E2F4: variants seen among roughly 807,000 people sequenced by gnomAD.
E2F4 encodes E2F transcription factor 4, also known as transcription factor E2F4.
In E2F4, 16 loss-of-function variants were observed where a neutral mutation model predicts 44.5. The observed-to-expected ratio is 0.36, with a 90% CI of 0.24 to 0.55. E2F4 has a LOEUF of 0.55. Among genes scored for constraint, E2F4 ranks in the 20% least tolerant of loss-of-function variants. The pLI is 0.87. For synonymous variants in E2F4, 242 were observed against 207.2 expected (o/e 1.17, Z -1.44); for missense variants, 473 against 522.1 (o/e 0.91, Z 0.92).
chr16:67,194,793 G>T lies in E2F4; in HGVS notation c.621G>T (p.Val207=). ...KEAWSSPPVA[V]PVPPPEDLLQ... The stretch of plus-strand genomic sequence containing the variant: ...CATGGAGCTCACCCCCTGTGGCTGT[G>T]CCTGTGCCACCACCTGAAGATTTGC... The change falls in exon 6 of 10, where the codon GTG becomes GTT. Residue 207 remains valine (V), a synonymous_variant. Coordinates refer to ENST00000379378, the MANE Select transcript of E2F4 (RefSeq NM_001950.4). 1.9e-6 allele frequency: 3 copies of T among 1,614,206 alleles called. No homozygotes were observed. Among genetic ancestry groups the T allele is most frequent in the Non-Finnish European group, 2.5e-6 (3 of 1,180,022 alleles).
At position 67,192,972 on chromosome 16, in the gene E2F4, C is replaced by G. The variant is rs374700548; in HGVS notation, c.246-37C>G. The G allele has an allele frequency of 1.5e-4, 230 of 1,560,450 alleles. 1 individual carries two copies. The highest frequency in any genetic ancestry group is 4.1e-5 in the Non-Finnish European group (47 of 1,151,002). On this transcript the variant is annotated intron_variant, in intron 2 of 9. Coordinates refer to ENST00000379378, the MANE Select transcript of E2F4 (RefSeq NM_001950.4). ...GGCAGGGGCCATGGGACCCAGAGTTCTCAGCAGTCCCTCTCAGCCCCACTC... is the reference window on the plus strand; with the variant it reads ...GGCAGGGGCCATGGGACCCAGAGTTGTCAGCAGTCCCTCTCAGCCCCACTC...
At chr16:67,196,088 A>T in intron 7 of E2F4, 82 bp downstream of exon 7, 1 of 1,583,432 alleles carries the variant, frequency 6.3e-7, no homozygotes, top group East Asian at 2.2e-5. Context: ...TTGGGGATGG[A>T]ACCCAGATCT....
At chr16:67,195,041 C>A in intron 6 of E2F4, 61 bp downstream of exon 6, 1 of 1,559,080 alleles carries the variant, frequency 6.4e-7, no homozygotes, top group South Asian at 1.2e-5. Flanking sequence ...TGTTGTGGAA[C>A]ACCATGCTCA....
In E2F4 at chr16:67,194,895, T is replaced by C; in HGVS notation, c.723T>C (p.Arg241=). Residue 241 remains arginine (R), a synonymous_variant, in exon 6 of 10, where the codon CGT becomes CGC. Transcript: ENST00000379378. Reference sequence around the variant, plus strand: ...TAGCCCAGTCCCAGGAAGCCTCACGTCCAAATAGTCCTCAGCTCACTCCCA... The same window carrying C: ...TAGCCCAGTCCCAGGAAGCCTCACGCCCAAATAGTCCTCAGCTCACTCCCA... ...PALAQSQEAS[R]PNSPQLTPTA... The C allele has an allele frequency of 3.1e-6, 5 of 1,614,102 alleles. No individual in the cohort carries two copies. Among genetic ancestry groups the C allele is most frequent in the Non-Finnish European group, 4.2e-6 (5 of 1,180,022 alleles).
chr16:67,197,612 C>T lies in E2F4; in HGVS notation c.1047C>T (p.Pro349=), dbSNP rs542030769. 1.2e-6 allele frequency: 2 copies of T among 1,614,178 alleles called. No homozygotes were observed. The highest frequency in any genetic ancestry group is 2.2e-5 in the East Asian group (1 of 44,878). The change falls in exon 8 of 10, where the codon CCC becomes CCT. Residue 349 remains proline, a synonymous_variant. Coordinates refer to ENST00000379378, the MANE Select transcript of E2F4 (RefSeq NM_001950.4). ...KADPTGVLEL[P]KELSEIFDPT... is the part of the protein sequence containing the mutation. ...CTTGTTTTTCAGTTTTGGAACTCCCCAAAGAGCTGTCAGAAATCTTTGATC... is the reference window on the plus strand; with the variant it reads ...CTTGTTTTTCAGTTTTGGAACTCCCTAAAGAGCTGTCAGAAATCTTTGATC...
intron 6 of E2F4, 73 bp from the exon 7 acceptor site, chr16:67,195,708 TG>T: frequency 6.3e-7 from 1 of 1,596,366 alleles, no homozygotes; most frequent in Non-Finnish European, 8.6e-7. Context: ...CTCCTGTGTC[TG>T]GGTTCCAGCA....
chr16:67,197,960 C>T (rs759531736), intron 9 of E2F4, 48 bp from the exon 10 acceptor site: 5 of 1,614,068 alleles, frequency 3.1e-6, no homozygotes. Flanking sequence ...GGTTGGGCTG[C>T]TGCTAGGGGA....
chr16:67,195,100 C>T (rs1053914999), intron 6 of E2F4, 120 bp downstream of exon 6: 8 of 1,259,968 alleles, frequency 6.3e-6, no homozygotes, highest in Non-Finnish European at 8.6e-6. Flanking sequence ...TCCTGACCAC[C>T]TAGCCTTCCC....
In E2F4 at chr16:67,192,354, C is replaced by T; in HGVS notation, c.127C>T (p.Leu43Phe). Residue 43 changes from leucine to phenylalanine, a missense_variant, in exon 1 of 10, where the codon CTC becomes TTC. Around this residue, in one of 3 missense-constraint regions of E2F4, gnomAD observed 119 missense variants for 175.6 expected, o/e 0.68. Transcript: ENST00000379378. ...GGAGGCCAAGGACGGCGTGCTTGACCTCAAGCTGGTGCGGCCTGGGCTAAG... is the reference window on the plus strand; with the variant it reads ...GGAGGCCAAGGACGGCGTGCTTGACTTCAAGCTGGTGCGGCCTGGGCTAAG... Reference protein sequence around the residue: ...LQEAKDGVLDLKLAADTLAVR... With the variant: ...LQEAKDGVLDFKLAADTLAVR... The T allele has an allele frequency of 2.1e-6, 3 of 1,417,140 alleles. No individual in the cohort carries two copies. Among genetic ancestry groups the T allele is most frequent in the Non-Finnish European group, 2.8e-6 (3 of 1,083,534 alleles). The allele number at this position is 1,417,140 out of a possible 1,614,324, so 87.8% of individuals were successfully genotyped here.
chr16:67,196,255 C>G (rs566904805), intron 7 of E2F4, among the ~76,000 whole-genome samples: 1 of 152,304 alleles, frequency 6.6e-6, no homozygotes, highest in South Asian at 2.1e-4. Flanking sequence ...CTAATTGACA[C>G]TTCTCTGTAT....
Position 67,195,915 on chromosome 16 carries a change from C to T in E2F4, c.942C>T (p.Ser314=), listed in dbSNP as rs2032960556. 1.2e-6 allele frequency: 2 copies of T among 1,613,062 alleles called. No individual in the cohort carries two copies. The highest frequency in any genetic ancestry group is 1.7e-6 in the Non-Finnish European group (2 of 1,179,274). The change falls in exon 7 of 10, where the codon AGC becomes AGT. Residue 314 remains serine (S), a synonymous_variant. Transcript: ENST00000379378. ...LLDSSSSSSS[S]SSSSSNSNSS... Reference sequence around the variant, plus strand: ...ACAGCAGCAGCAGCAGCAGCAGCAGCAGCAGCAGCAGCAGCAACAGTAACA... The same window carrying T: ...ACAGCAGCAGCAGCAGCAGCAGCAGTAGCAGCAGCAGCAGCAACAGTAACA...
Position 67,192,900 on chromosome 16 carries a change from G to A in E2F4, c.245+30G>A, listed in dbSNP as rs147383610. Reference sequence around the variant, plus strand: ...GTGGGCATAGTGGGAGGGTAGTAGAGTCTCCCACCCAGAAGTGTCGGGCGT... The same window carrying A: ...GTGGGCATAGTGGGAGGGTAGTAGAATCTCCCACCCAGAAGTGTCGGGCGT... On this transcript the variant is annotated intron_variant, in intron 2 of 9. Coordinates refer to ENST00000379378, the MANE Select transcript of E2F4 (RefSeq NM_001950.4). 187 of 1,588,812 alleles carry A rather than the reference G, an allele frequency of 1.2e-4. No homozygotes were observed. In the African/African-American group the frequency reaches 2.0e-3, roughly 17 times the overall value.
chr16:67,193,840 G>T, intron 4 of E2F4: 1 of 411,978 alleles, frequency 2.4e-6, no homozygotes, highest in Non-Finnish European at 4.4e-6. Flanking sequence ...TTGTGTGCAG[G>T]CTCTTACATG....
chr16:67,194,387 T>C lies in E2F4; in HGVS notation c.452-11T>C. The C allele has an allele frequency of 6.2e-7, 1 of 1,613,908 alleles. No homozygotes were observed. The highest frequency in any genetic ancestry group is 8.5e-7 in the Non-Finnish European group (1 of 1,179,878). On this transcript the variant is annotated splice_polypyrimidine_tract_variant and intron_variant, in intron 4 of 9. Transcript: ENST00000379378. Reference sequence around the variant, plus strand: ...CCCATGGGCTCTGACCCATTCTCCATGTCATTCTAGGAGATACCCTCTTGG... The same window carrying C: ...CCCATGGGCTCTGACCCATTCTCCACGTCATTCTAGGAGATACCCTCTTGG...
chr16:67,197,722 CT>C, intron 8 of E2F4, 76 bp downstream of exon 8: 2 of 1,601,030 alleles, frequency 1.2e-6, no homozygotes, highest in Non-Finnish European at 1.7e-6. Flanking sequence ...TTTTCTTGCC[CT>C]TTTGAGGACC....
Position 67,192,202 on chromosome 16 carries a change from C to G in E2F4, c.-26C>G. The G allele has an allele frequency of 1.7e-6, 2 of 1,177,134 alleles. No homozygotes were observed. The highest frequency in any genetic ancestry group is 7.4e-5 in the South Asian group (2 of 27,008). The allele number at this position is 1,177,134 out of a possible 1,614,324, so 72.9% of individuals were successfully genotyped here. ...GCGGCGCCGGCCTGGCCTGGCCTGG[C>G]TGAGGGGAGGCGGCGGGCGGGCGCG... On this transcript the variant is annotated 5_prime_UTR_variant, in exon 1 of 10. Transcript: ENST00000379378.
At chr16:67,196,856 T>C (rs1192857078) in intron 7 of E2F4, among the ~76,000 whole-genome samples, 6 of 152,122 alleles carry the variant, frequency 3.9e-5, no homozygotes, top group African/African-American at 9.7e-5. Flanking sequence ...CCCTCCTCCT[T>C]CTGCTGCCCA....
At position 67,195,841 on chromosome 16, in the gene E2F4, G is replaced by A; in HGVS notation, c.868G>A (p.Gly290Ser). Residue 290 changes from glycine to serine, a missense_variant, in exon 7 of 10, where the codon GGC (glycine) becomes AGC (serine). This residue lies in a region of E2F4 where 314 missense variants were observed against 315.6 expected (regional missense o/e 0.99). Transcript: ENST00000379378. ...DSGELSSLPL[G>S]PTTLDTRPLQ... ...TGGTGAGCTCAGTTCACTCCCACTGGGCCCAACAACACTGGACACCCGGCC... is the reference window on the plus strand; with the variant it reads ...TGGTGAGCTCAGTTCACTCCCACTGAGCCCAACAACACTGGACACCCGGCC... 1 of 1,614,004 alleles carries A rather than the reference G, an allele frequency of 6.2e-7. No homozygotes were observed. Among genetic ancestry groups the A allele is most frequent in the Non-Finnish European group, 8.5e-7 (1 of 1,179,996 alleles).
Position 67,193,032 on chromosome 16 carries a change from C to T in E2F4, c.269C>T (p.Thr90Ile), listed in dbSNP as rs1165452139. 8.9e-6 allele frequency: 14 copies of T among 1,571,832 alleles called. No homozygotes were observed. Among genetic ancestry groups the T allele is most frequent in the Non-Finnish European group, 1.1e-5 (13 of 1,157,558 alleles). ...AGGGGTGTGGGGCCTGGCTGCAATA[C>T]CCGGGAGATTGCTGACAAACTGATT... ...QWKGVGPGCN[T>I]REIADKLIEL... Residue 90 changes from threonine (T) to isoleucine (I), a missense_variant, in exon 3 of 10, where the codon ACC becomes ATC. Transcript: ENST00000379378.
Sources: gnomAD v4.1 joint callset for allele counts (sites outside exome capture counted in the v4.1 genomes callset) on GRCh38, gnomAD v4.1.1 for gene constraint, gnomAD v4.1.1 regional missense constraint, MANE v1.5 for transcripts, NCBI Gene and HGNC (gene_info 2026-07-23, HGNC 2026-07-21) for gene names.